The following PPP1R12B variants were observed in gnomAD, a reference collection of about 807,000 sequenced individuals.
PPP1R12B encodes the protein myosin phosphatase target subunit 2.
PPP1R12B carries 76 observed loss-of-function variants against 126.1 expected under a neutral mutation model. That is an observed-to-expected ratio of 0.60 (90% CI 0.50 to 0.73). The LOEUF (loss-of-function observed/expected upper bound fraction) is 0.73, where lower values mean the gene tolerates loss of function less well. Ranked by LOEUF, PPP1R12B falls within the 30% of genes least tolerant of loss-of-function variation. PPP1R12B has a pLI of 0.00. For synonymous variants in PPP1R12B, 356 were observed against 434.7 expected (o/e 0.82, Z 2.25); for missense variants, 1,052 against 1,205.1 (o/e 0.87, Z 1.88).
chr1:202,444,945 C>G, intron 12 of PPP1R12B: 2 of 1,006,950 alleles, frequency 2.0e-6, no homozygotes, highest in Non-Finnish European at 2.6e-6. Flanking sequence ...TTTCTTTGGT[C>G]TATATTCATT....
At chr1:202,383,740 A>G (rs1329264525) in intron 1 of PPP1R12B, among the ~76,000 whole-genome samples, 1 of 152,154 alleles carries the variant, frequency 6.6e-6, no homozygotes, top group Non-Finnish European at 1.5e-5. Flanking sequence ...AAAGAAAAAG[A>G]TATAATCTAA....
rs1459246301 is a variant in PPP1R12B, at chr1:202,429,010, G to T, written c.921+81G>T. 1.2e-5 allele frequency: 15 copies of T among 1,242,538 alleles called. No homozygotes were observed. In the Middle Eastern group the frequency reaches 7.7e-4, roughly 64 times the overall value. The allele number at this position is 1,242,538 out of a possible 1,614,324, so 77.0% of individuals were successfully genotyped here. A position where few individuals can be genotyped will look rare whatever the true frequency, so the allele number is the denominator to read the frequency against. ...AGTATCTCAATCACTTGTTTCAGTT[G>T]TGTCTGCTGAGAGTTGAAATGGACA... On this transcript the variant is annotated intron_variant, in intron 6 of 23. Coordinates refer to ENST00000608999, the MANE Select transcript of PPP1R12B (RefSeq NM_002481.4).
At chr1:202,562,727 C>G (rs539018227) in intron 19 of PPP1R12B, 51 bp from the exon 20 acceptor site, 1 of 1,555,740 alleles carries the variant, frequency 6.4e-7, no homozygotes, top group East Asian at 2.2e-5. Context: ...ACCTTCTCCC[C>G]ACTACTTTGT....
intron 1 of PPP1R12B, among the ~76,000 whole-genome samples, chr1:202,354,993 T>A (rs1656803611): frequency 6.6e-6 from 1 of 151,740 alleles, no homozygotes; most frequent in Admixed American, 6.6e-5. Context: ...GCGCAGCTAA[T>A]TTTTTTTGTA....
At chr1:202,548,804 C>CTATATATA (rs1321500598) in intron 18 of PPP1R12B, among the ~76,000 whole-genome samples, 49 of 82,252 alleles carry the variant, frequency 6.0e-4, no homozygotes, top group Non-Finnish European at 1.1e-3. Context: ...CTCTCTCTCT[C>CTATATATA]TCTCTATATA....
intron 18 of PPP1R12B, among the ~76,000 whole-genome samples, chr1:202,555,020 CAGGAACCCTG>C (rs1686740058): frequency 1.3e-5 from 2 of 151,996 alleles, no homozygotes; most frequent in Admixed American, 1.3e-4. Context: ...TTTTCATGTC[CAGGAACCCTG>C]TGGGCTTTTT....
intron 23 of PPP1R12B, among the ~76,000 whole-genome samples, chr1:202,577,635 C>A (rs1341658145): frequency 2.0e-5 from 3 of 151,902 alleles, no homozygotes; most frequent in Non-Finnish European, 4.4e-5. Context: ...AAACCACTTA[C>A]CAACAAAATA....
chr1:202,361,289 A>G (rs185457116), intron 1 of PPP1R12B, among the ~76,000 whole-genome samples: 1 of 152,340 alleles, frequency 6.6e-6, no homozygotes, highest in East Asian at 1.9e-4. Context: ...AAGAGGTTTA[A>G]TTGGCTCACA....
rs969302588 is a variant in PPP1R12B, at chr1:202,370,088, C to G, written c.291+20946C>G. On this transcript the variant is annotated intron_variant, in intron 1 of 23. Coordinates refer to ENST00000608999, the MANE Select transcript of PPP1R12B (RefSeq NM_002481.4). The stretch of plus-strand genomic sequence containing the variant: ...GGGACTACAGGCGTAAACTACCATG[C>G]CCGGCCTTGGGCACACTTCTGAACA... 3 of 204,176 alleles carry G rather than the reference C, an allele frequency of 1.5e-5. 1 individual carries two copies. In the Admixed American group the frequency reaches 1.8e-4, roughly 12 times the overall value. The allele number at this position is 204,176 out of a possible 1,614,324, so 12.6% of individuals were successfully genotyped here. A position where few individuals can be genotyped will look rare whatever the true frequency, so the allele number is the denominator to read the frequency against.
chr1:202,537,348 C>T (rs1416642954), intron 18 of PPP1R12B, among the ~76,000 whole-genome samples: 1 of 149,042 alleles, frequency 6.7e-6, no homozygotes, highest in Non-Finnish European at 1.5e-5. Context: ...ACTGAGACTC[C>T]GTCTCAAAAA....
At chr1:202,459,529 CT>C (rs1167855814) in intron 13 of PPP1R12B, among the ~76,000 whole-genome samples, 4 of 152,062 alleles carry the variant, frequency 2.6e-5, no homozygotes, top group Non-Finnish European at 5.9e-5. Flanking sequence ...TGTGAAGTTC[CT>C]TTTTTTCCCC....
intron 23 of PPP1R12B, among the ~76,000 whole-genome samples, chr1:202,570,766 T>C (rs561345931): frequency 9.4e-4 from 143 of 152,248 alleles, no homozygotes; most frequent in African/African-American, 3.3e-3. Context: ...CAAATAATCC[T>C]CCCATCTCAT....
At position 202,562,924 on chromosome 1, in the gene PPP1R12B, TA is replaced by T; in HGVS notation, c.2652+3del. On this transcript the variant is annotated splice_donor_region_variant and intron_variant, in intron 20 of 23. Transcript: ENST00000608999. ...GACAGCAACAGAGATTATAAAAAAGTAGGGTCTTTATTCAATTTTCCGGTTC... is the reference window on the plus strand; with the variant it reads ...GACAGCAACAGAGATTATAAAAAAGTGGGTCTTTATTCAATTTTCCGGTTC... The T allele has an allele frequency of 6.4e-7, 1 of 1,560,808 alleles. No homozygotes were observed.
intron 13 of PPP1R12B, among the ~76,000 whole-genome samples, chr1:202,458,929 C>T (rs1341853836): frequency 6.6e-6 from 1 of 152,226 alleles, no homozygotes; most frequent in Non-Finnish European, 1.5e-5. Flanking sequence ...GGTTCTCTCT[C>T]AGAAATAATC....
chr1:202,560,415 G>C (rs1304690398), intron 19 of PPP1R12B, among the ~76,000 whole-genome samples: 1 of 152,186 alleles, frequency 6.6e-6, no homozygotes, highest in African/African-American at 2.4e-5. Flanking sequence ...CGTTTTTATG[G>C]TTATTTCTTG....
In PPP1R12B at chr1:202,387,794, T is replaced by C. The variant is rs139175520; in HGVS notation, c.292-28993T>C. Among the ~76,000 whole-genome samples, 321 of 152,280 alleles carry C rather than the reference T, an allele frequency of 2.1e-3. 2 individuals carry two copies. In the Middle Eastern group the frequency reaches 0.048, roughly 23 times the overall value. On this transcript the variant is annotated intron_variant, in intron 1 of 23. Transcript: ENST00000608999. ...TTCTATAATAGATGCACTAGAAGTT[T>C]AATCTAGTGTCGTAGGGTAATTCTG... is the stretch of plus-strand genomic sequence containing the variant.
chr1:202,519,453 G>A (rs542988302), intron 18 of PPP1R12B, among the ~76,000 whole-genome samples: 26 of 151,656 alleles, frequency 1.7e-4, no homozygotes, highest in African/African-American at 6.0e-4. Flanking sequence ...TGTATTTTTA[G>A]TAAAGATGGG....
At position 202,382,614 on chromosome 1, in the gene PPP1R12B, C is replaced by T. The variant is rs999155273; in HGVS notation, c.291+33472C>T. Reference sequence around the variant, plus strand: ...GACTGTGGCTGGGCATGGTGGCTCACGCTTGTAATCCCAGCACTTTGGGAG... The same window carrying T: ...GACTGTGGCTGGGCATGGTGGCTCATGCTTGTAATCCCAGCACTTTGGGAG... On this transcript the variant is annotated intron_variant, in intron 1 of 23. Coordinates refer to ENST00000608999, the MANE Select transcript of PPP1R12B (RefSeq NM_002481.4). 5.3e-5 allele frequency among the ~76,000 whole-genome samples: 8 copies of T among 151,648 alleles called. No homozygotes were observed. The East Asian group carries it at 9.7e-4, about 18-fold the overall frequency.
chr1:202,577,569 C>CTTT (rs1019319637), intron 23 of PPP1R12B, among the ~76,000 whole-genome samples: 3 of 144,366 alleles, frequency 2.1e-5, no homozygotes, highest in Non-Finnish European at 3.1e-5. Context: ...TTTACTCTAC[C>CTTT]TTTTTTTTTT....
Sources: gnomAD v4.1 joint callset for allele counts (sites outside exome capture counted in the v4.1 genomes callset) on GRCh38, gnomAD v4.1.1 for gene constraint, MANE v1.5 for transcripts, NCBI Gene and HGNC (gene_info 2026-07-23, HGNC 2026-07-21) for gene names.